The following DLG2 variants were observed in gnomAD, a reference collection of about 807,000 sequenced individuals.
DLG2 encodes discs large MAGUK scaffold protein 2, also known as disks large homolog 2.
In DLG2, 45 loss-of-function variants were observed where a neutral mutation model predicts 132.5. The ratio of observed to expected loss-of-function variants is 0.34; its 90% CI spans 0.27 to 0.44. DLG2 has a LOEUF of 0.44. Ranked by LOEUF, DLG2 falls within the 20% of genes least tolerant of loss-of-function variation. DLG2 has a pLI of 1.00. For synonymous variants in DLG2, 424 were observed against 419.6 expected, an observed-to-expected ratio of 1.01 and a Z score of -0.13; for missense variants, 1,045 against 1,196.9, an observed-to-expected ratio of 0.87 and a Z score of 1.87.
chr11:83,558,047 G>C lies in DLG2; in HGVS notation c.1941-16189C>G, dbSNP rs115607308. 5.7e-3 allele frequency among the ~76,000 whole-genome samples: 869 copies of C among 152,282 alleles called. 5 individuals carry two copies. Among genetic ancestry groups the C allele is most frequent in the African/African-American group, 0.02 (820 of 41,564 alleles). ...TAGGCAGAGAAATATGTATTCAAGTGAAGTAATTTGTTTGATAATCCACAG... is the reference window on the plus strand; with the variant it reads ...TAGGCAGAGAAATATGTATTCAAGTCAAGTAATTTGTTTGATAATCCACAG... On this transcript the variant is annotated intron_variant, in intron 19 of 27. Coordinates refer to ENST00000376104, the MANE Select transcript of DLG2 (RefSeq NM_001142699.3).
intron 17 of DLG2, 109 bp downstream of exon 17, chr11:83,833,505 C>T: frequency 4.1e-6 from 5 of 1,207,574 alleles, no homozygotes; most frequent in South Asian, 3.2e-5. Flanking sequence ...ATGCTCTCAT[C>T]CACTTTCCTT....
intron 4 of DLG2, among the ~76,000 whole-genome samples, chr11:85,266,489 C>A: frequency 6.6e-6 from 1 of 152,046 alleles, no homozygotes; most frequent in East Asian, 1.9e-4. Flanking sequence ...GGGATAGCAT[C>A]AGGAGAAGTA....
chr11:85,146,862 T>C (rs554209324), intron 5 of DLG2, among the ~76,000 whole-genome samples: 16 of 152,336 alleles, frequency 1.1e-4, no homozygotes, highest in African/African-American at 3.1e-4. Context: ...GCTACTTTAG[T>C]CAGCCAATGG....
intron 6 of DLG2, among the ~76,000 whole-genome samples, chr11:84,869,683 C>T (rs1181023015): frequency 1.3e-5 from 2 of 152,058 alleles, no homozygotes; most frequent in Middle Eastern, 3.2e-3. Flanking sequence ...TTTTGTATAA[C>T]GATTTTCTCC....
At chr11:84,735,153 A>G (rs531963137) in intron 6 of DLG2, among the ~76,000 whole-genome samples, 1 of 152,314 alleles carries the variant, frequency 6.6e-6, no homozygotes, top group Non-Finnish European at 1.5e-5. Context: ...CTGGGCTCAT[A>G]AAATGAGTTA....
intron 3 of DLG2, among the ~76,000 whole-genome samples, chr11:85,443,890 C>G (rs1043340418): frequency 1.3e-5 from 2 of 152,088 alleles, no homozygotes; most frequent in Non-Finnish European, 2.9e-5. Flanking sequence ...ACAAAGTAAG[C>G]CCTAATTTTT....
At chr11:84,994,151 G>A (rs1417693847) in intron 6 of DLG2, among the ~76,000 whole-genome samples, 2 of 152,096 alleles carry the variant, frequency 1.3e-5, no homozygotes, top group Non-Finnish European at 2.9e-5. Flanking sequence ...TTTGGGATTG[G>A]TTTGGGACCA....
chr11:84,915,424 T>C (rs1004943004), intron 6 of DLG2, among the ~76,000 whole-genome samples: 7 of 152,238 alleles, frequency 4.6e-5, no homozygotes, highest in Admixed American at 3.9e-4. Context: ...TTTAAATTTA[T>C]TTCTTGCTGC....
intron 3 of DLG2, among the ~76,000 whole-genome samples, chr11:85,399,726 A>C (rs1048398425): frequency 1.3e-5 from 2 of 152,224 alleles, no homozygotes; most frequent in African/African-American, 4.8e-5. Flanking sequence ...CTGGCTAACC[A>C]TATGTAGAAA....
chr11:83,615,741 G>A (rs2060707137), intron 19 of DLG2, among the ~76,000 whole-genome samples: 1 of 152,294 alleles, frequency 6.6e-6, no homozygotes, highest in Admixed American at 6.5e-5. Flanking sequence ...GAATGCAGCA[G>A]CCTCTAGAAG....
intron 7 of DLG2, among the ~76,000 whole-genome samples, chr11:84,464,151 T>TAA (rs767499463): frequency 6.6e-6 from 1 of 151,164 alleles, no homozygotes; most frequent in Non-Finnish European, 1.5e-5. Context: ...TACTATATAT[T>TAA]AAGGGCTGTG....
intron 18 of DLG2, among the ~76,000 whole-genome samples, chr11:83,689,852 A>T (rs573214467): frequency 4.7e-5 from 7 of 149,370 alleles, no homozygotes; most frequent in African/African-American, 1.7e-4. Flanking sequence ...ATCACTTTGC[A>T]TACTCACCCA....
In DLG2 at chr11:83,906,257, T is replaced by TCA. The variant is rs540642615; in HGVS notation, c.1496+24069_1496+24070dup. ...GTCTCTCTCTCTCTCTCTCTCTCTC[T>TCA]CACACACACACACACACACACACAC... On this transcript the variant is annotated intron_variant, in intron 15 of 27. Transcript: ENST00000376104. Among the ~76,000 whole-genome samples the TCA allele has an allele frequency of 3.1e-3, 205 of 67,098 alleles. 2 individuals carry two copies. Among genetic ancestry groups the TCA allele is most frequent in the Admixed American group, 4.8e-3 (30 of 6,190 alleles). 44.0% of individuals were successfully genotyped at this position (67,098 alleles called of 152,430 possible).
At chr11:83,756,920 T>A (rs1039016394) in intron 18 of DLG2, among the ~76,000 whole-genome samples, 1 of 152,016 alleles carries the variant, frequency 6.6e-6, no homozygotes, top group African/African-American at 2.4e-5. Flanking sequence ...TGTCACATTG[T>A]GTCTTAGGTA....
At chr11:84,741,874 G>T (rs2064725774) in intron 6 of DLG2, among the ~76,000 whole-genome samples, 2 of 151,978 alleles carry the variant, frequency 1.3e-5, no homozygotes, top group Non-Finnish European at 2.9e-5. Flanking sequence ...TTATCTTAAG[G>T]AAGCTCAGTG....
intron 6 of DLG2, among the ~76,000 whole-genome samples, chr11:84,565,504 C>T (rs1360671354): frequency 6.6e-6 from 1 of 152,144 alleles, no homozygotes; most frequent in Non-Finnish European, 1.5e-5. Context: ...ATACAGAGCA[C>T]TATAGATGCC....
chr11:83,581,903 C>T (rs1214711212), intron 19 of DLG2, among the ~76,000 whole-genome samples: 3 of 133,332 alleles, frequency 2.3e-5, no homozygotes, highest in Non-Finnish European at 4.8e-5. Flanking sequence ...TTTCCTTCTA[C>T]TTTTCATTTT....
intron 6 of DLG2, among the ~76,000 whole-genome samples, chr11:84,832,840 T>C (rs987314841): frequency 6.6e-6 from 1 of 151,546 alleles, no homozygotes; most frequent in East Asian, 2.0e-4. Context: ...TTGGATTATA[T>C]CCGTGGCATT....
chr11:83,590,680 C>A (rs954374067), intron 19 of DLG2, among the ~76,000 whole-genome samples: 4 of 152,062 alleles, frequency 2.6e-5, no homozygotes, highest in African/African-American at 9.7e-5. Flanking sequence ...AAAAACCCTT[C>A]AAAAAATTAA....
Sources: allele counts gnomAD v4.1 joint callset (sites outside exome capture counted in the v4.1 genomes callset), GRCh38; gene constraint gnomAD v4.1.1; transcripts MANE v1.5; gene names NCBI Gene and HGNC (gene_info 2026-07-23, HGNC 2026-07-21).